C1QTNF3: variants seen among roughly 807,000 people sequenced by gnomAD.
C1QTNF3 encodes the protein complement C1q tumor necrosis factor-related protein 3.
In C1QTNF3, 26 loss-of-function variants were observed where a neutral mutation model predicts 32.6. The ratio of observed to expected loss-of-function variants is 0.80; its 90% CI spans 0.58 to 1.11. The LOEUF is 1.11. Ranked by LOEUF, C1QTNF3 falls within the 50% of genes least tolerant of loss-of-function variation. C1QTNF3 has a pLI of 0.00. For missense variants in C1QTNF3, 362 were observed against 398.2 expected (o/e 0.91, Z 0.77); for synonymous variants, 155 against 146.0 (o/e 1.06, Z -0.44).
the C1QTNF3 span, among the ~76,000 whole-genome samples, chr5:34,227,456 C>T: frequency 3.9e-5 from 6 of 151,914 alleles, no homozygotes; most frequent in African/African-American, 1.2e-4. Flanking sequence ...CTAGTATCTA[C>T]ATATAATTTA....
At chr5:34,134,237 AT>A in the C1QTNF3 span, among the ~76,000 whole-genome samples, 3 of 151,726 alleles carry the variant, frequency 2.0e-5, no homozygotes, top group Admixed American at 6.6e-5. Context: ...AGCCAATTAA[AT>A]TTTTTTTTCA....
chr5:34,047,093 C>T (rs1201356692), upstream of C1QTNF3, among the ~76,000 whole-genome samples: 1 of 152,174 alleles, frequency 6.6e-6, no homozygotes, highest in South Asian at 2.1e-4. Context: ...ATATTAAAAC[C>T]ATCTAGAATC....
the C1QTNF3 span, among the ~76,000 whole-genome samples, chr5:34,077,223 C>G: frequency 1.3e-5 from 2 of 151,636 alleles, no homozygotes; most frequent in Non-Finnish European, 2.9e-5. Context: ...TAAAATCAGA[C>G]TTTAAGAAGT....
At chr5:34,091,106 G>C in the C1QTNF3 span, among the ~76,000 whole-genome samples, 2 of 152,160 alleles carry the variant, frequency 1.3e-5, no homozygotes, top group Admixed American at 1.3e-4. Flanking sequence ...CAAAGGGGTT[G>C]ATAGGTTTTA....
At chr5:34,195,674 T>G in the C1QTNF3 span, among the ~76,000 whole-genome samples, 1 of 152,252 alleles carries the variant, frequency 6.6e-6, no homozygotes, top group South Asian at 2.1e-4. Context: ...ACCCCGTCTC[T>G]ACTAAAAATA....
the C1QTNF3 span, among the ~76,000 whole-genome samples, chr5:34,231,804 G>C: frequency 6.7e-6 from 1 of 149,460 alleles, no homozygotes; most frequent in Non-Finnish European, 1.5e-5. Flanking sequence ...TACTAGGGCA[G>C]TGCAGAGGGA....
chr5:34,240,219 C>T, the C1QTNF3 span, among the ~76,000 whole-genome samples: 1,551 of 145,988 alleles, frequency 0.011, 30 homozygotes, highest in African/African-American at 0.037. Context: ...CCTAAAGGAA[C>T]TAGGGAAAAA....
intron 2 of C1QTNF3, among the ~76,000 whole-genome samples, chr5:34,033,930 A>G (rs1321152509): frequency 1.3e-5 from 2 of 152,234 alleles, no homozygotes; most frequent in Non-Finnish European, 2.9e-5. Flanking sequence ...GCGAAGCCAC[A>G]GTGGGAGGAT....
At chr5:34,157,972 C>T in the C1QTNF3 span, 4 of 152,098 alleles carry the variant, frequency 2.6e-5, no homozygotes, top group African/African-American at 9.7e-5. Flanking sequence ...TGTATTATTA[C>T]CTTTCAGGAT....
intron 3 of C1QTNF3, among the ~76,000 whole-genome samples, chr5:34,029,304 T>TC (rs994199650): frequency 6.9e-6 from 1 of 144,600 alleles, no homozygotes; most frequent in African/African-American, 2.6e-5. Context: ...TATTAATTTC[T>TC]TTTTTTTTTT....
chr5:34,046,963 C>T (rs1490709359), upstream of C1QTNF3, among the ~76,000 whole-genome samples: 3 of 152,196 alleles, frequency 2.0e-5, no homozygotes, highest in Admixed American at 6.5e-5. Context: ...GCATTTTAAA[C>T]ATTGGTTTAT....
chr5:34,066,440 A>G, the C1QTNF3 span, among the ~76,000 whole-genome samples: 4 of 152,234 alleles, frequency 2.6e-5, no homozygotes, highest in Non-Finnish European at 4.4e-5. Flanking sequence ...AAGTTGTTAT[A>G]GATTATAAAA....
At chr5:34,121,906 T>C in the C1QTNF3 span, among the ~76,000 whole-genome samples, 5 of 152,132 alleles carry the variant, frequency 3.3e-5, no homozygotes, top group Admixed American at 2.6e-4. Context: ...TTTGAATTTA[T>C]AGCAAAAAAA....
At chr5:34,028,730 C>T (rs773960974) in intron 4 of C1QTNF3, 24 bp downstream of exon 4, 4 of 1,586,032 alleles carry the variant, frequency 2.5e-6, no homozygotes, top group Admixed American at 1.8e-5. Context: ...TTAACTCAAT[C>T]TTCATCCTAT....
the C1QTNF3 span, among the ~76,000 whole-genome samples, chr5:34,177,984 G>A: frequency 6.6e-6 from 1 of 151,818 alleles, no homozygotes; most frequent in Non-Finnish European, 1.5e-5. Context: ...TTCAGAACGG[G>A]GGCTGGGCAT....
At chr5:34,050,670 C>G in the C1QTNF3 span, among the ~76,000 whole-genome samples, 2 of 152,238 alleles carry the variant, frequency 1.3e-5, no homozygotes, top group African/African-American at 4.8e-5. Context: ...CACATCCCAT[C>G]TGAATCACAT....
At chr5:34,114,618 CT>C in the C1QTNF3 span, among the ~76,000 whole-genome samples, 4 of 151,020 alleles carry the variant, frequency 2.6e-5, no homozygotes, top group Admixed American at 6.6e-5. Context: ...GATCATTTTA[CT>C]TTTTTTTTGT....
the C1QTNF3 span, among the ~76,000 whole-genome samples, chr5:34,108,180 G>T: frequency 6.6e-6 from 1 of 151,690 alleles, no homozygotes; most frequent in African/African-American, 2.4e-5. Flanking sequence ...TTTTGTTATC[G>T]CTATATTATA....
the C1QTNF3 span, among the ~76,000 whole-genome samples, chr5:34,194,966 A>AT: frequency 9.3e-5 from 14 of 151,240 alleles, no homozygotes; most frequent in Middle Eastern, 3.4e-3. Context: ...TACAGACGCA[A>AT]TTTTTTTTTC....
Sources: gnomAD v4.1 joint callset for allele counts (sites outside exome capture counted in the v4.1 genomes callset) on GRCh38, gnomAD v4.1.1 for gene constraint, MANE v1.5 for transcripts, NCBI Gene and HGNC (gene_info 2026-07-23, HGNC 2026-07-21) for gene names.